The following ODF2 variants were observed in gnomAD, a reference collection of about 807,000 sequenced individuals.
ODF2 encodes outer dense fiber protein 2.
A neutral mutation model predicts 110.2 loss-of-function variants in ODF2; 47 were observed. The ratio of observed to expected loss-of-function variants is 0.43; its 90% CI spans 0.34 to 0.54. The LOEUF is 0.54. Ranked by LOEUF, ODF2 falls within the 20% of genes least tolerant of loss-of-function variation. The probability of loss-of-function intolerance (pLI) is 0.03; values close to 1 mark genes in which losing one functional copy is unlikely to be tolerated. For synonymous variants in ODF2, 352 were observed against 397.7 expected, an observed-to-expected ratio of 0.89 and a Z score of 1.37; for missense variants, 812 against 1,054.5, an observed-to-expected ratio of 0.77 and a Z score of 3.19.
rs866893022 is a variant in ODF2, at chr9:128,459,759, C to T, written c.123+102C>T. On this transcript the variant is annotated intron_variant, in intron 3 of 20. Coordinates refer to ENST00000604420, the Ensembl canonical transcript of ODF2. ...GCCTTACCCTGCTGGGCACCATCGC[C>T]GCCCAGTTGCTCTGCTAGGTGCTGT... The T allele has an allele frequency of 7.7e-5, 60 of 781,708 alleles. No individual in the cohort carries two copies. In the Middle Eastern group the frequency reaches 2.4e-3, roughly 31 times the overall value. 48.4% of individuals were successfully genotyped at this position (781,708 alleles called of 1,614,324 possible).
chr9:128,462,490 T>G (rs561412443), intron 4 of ODF2, among the ~76,000 whole-genome samples: 28 of 152,296 alleles, frequency 1.8e-4, no homozygotes, highest in South Asian at 1.2e-3. Context: ...TGAACCTGAT[T>G]CAGCTGTTCT....
At position 128,473,122 on chromosome 9, in the gene ODF2, C is replaced by T. The variant is rs79964048; in HGVS notation, c.711+80C>T. The stretch of plus-strand genomic sequence containing the variant: ...CTGCAGGCTGGGCAGGGTCTTTACG[C>T]GTCATCAGGCAGACTTTATGACATC... On this transcript the variant is annotated intron_variant, in intron 7 of 20. Coordinates refer to ENST00000604420, the Ensembl canonical transcript of ODF2. 5.3e-3 allele frequency: 8,357 copies of T among 1,587,540 alleles called. 53 individuals are homozygous for T. The highest frequency in any genetic ancestry group is 8.8e-3 in the South Asian group (783 of 88,892).
chr9:128,496,378 T>G, intron 18 of ODF2: 1 of 1,351,982 alleles, frequency 7.4e-7, no homozygotes, highest in South Asian at 1.3e-5. Context: ...TCTGCCCACC[T>G]GTAGGCACCA....
intron 20 of ODF2, among the ~76,000 whole-genome samples, 159 bp downstream of exon 20, chr9:128,499,285 A>T (rs1046828712): frequency 1.3e-5 from 2 of 152,000 alleles, no homozygotes; most frequent in Admixed American, 1.3e-4. Context: ...TCCTGGGTAG[A>T]TATTTATTTA....
chr9:128,498,661 G>T, intron 19 of ODF2, 86 bp downstream of exon 19: 1 of 780,304 alleles, frequency 1.3e-6, no homozygotes, highest in South Asian at 1.8e-5. Flanking sequence ...CTGAAAAATG[G>T]GCACACAGTA....
In ODF2 at chr9:128,498,270, A is replaced by G. The variant is rs915504120; in HGVS notation, c.2013-143A>G. On this transcript the variant is annotated intron_variant, in intron 18 of 20. Coordinates refer to ENST00000604420, the Ensembl canonical transcript of ODF2. Reference sequence around the variant, plus strand: ...CTTTGGTCGCCTTGCTGATCTGCAGATTTCTTTGGCTTATTCCTGTGGCTC... The same window carrying G: ...CTTTGGTCGCCTTGCTGATCTGCAGGTTTCTTTGGCTTATTCCTGTGGCTC... 5 of 1,303,920 alleles carry G rather than the reference A, an allele frequency of 3.8e-6. No homozygotes were observed. In the African/African-American group the frequency reaches 7.6e-5, roughly 20 times the overall value. The allele number at this position is 1,303,920 out of a possible 1,614,324, so 80.8% of individuals were successfully genotyped here. A position where few individuals can be genotyped will look rare whatever the true frequency, so the allele number is the denominator to read the frequency against.
chr9:128,498,530 C>G, exon 19 of ODF2: 1 of 1,610,944 alleles, frequency 6.2e-7, no homozygotes, highest in African/African-American at 1.3e-5. Flanking sequence ...AATGTGGGAC[C>G]CTGGCAAGGC....
chr9:128,500,739 T>G (rs1406026343), downstream of ODF2: 1 of 154,734 alleles, frequency 6.5e-6, no homozygotes, highest in Non-Finnish European at 1.4e-5. Context: ...CAAGGCTCCC[T>G]TCCCAAGCTC....
At position 128,485,733 on chromosome 9, in the gene ODF2, T is replaced by TC. The variant is rs1843236509; in HGVS notation, c.1400+259_1400+260insC. ...GGCCGGGTCTTTCTGGTCAGAGGTG[T>TC]GGGTCTGACTTCATCACCTGGGCCT... On this transcript the variant is annotated intron_variant, in intron 13 of 20. Coordinates refer to ENST00000604420, the Ensembl canonical transcript of ODF2. This position sits in a 1 kb window ranked among gnomAD's most constrained non-coding sequence, Gnocchi z 5.0. 6.6e-6 allele frequency among the ~76,000 whole-genome samples: 1 copy of TC among 152,128 alleles called. No homozygotes were observed. Among genetic ancestry groups the TC allele is most frequent in the Non-Finnish European group, 1.5e-5 (1 of 68,008 alleles).
At chr9:128,489,009 A>G (rs546044654) in intron 14 of ODF2, among the ~76,000 whole-genome samples, 19 of 152,280 alleles carry the variant, frequency 1.2e-4, no homozygotes, top group Admixed American at 4.6e-4. Context: ...TCCGTCTCAA[A>G]AGAAAAGAAA....
chr9:128,456,631 C>T (rs969780486), intron 1 of ODF2: 4 of 1,498,778 alleles, frequency 2.7e-6, no homozygotes, highest in East Asian at 5.4e-5. Context: ...CTCTGCTGCC[C>T]GTCGGCGGCA....
intron 6 of ODF2, among the ~76,000 whole-genome samples, chr9:128,472,449 T>A (rs1025121834): frequency 9.9e-5 from 15 of 152,188 alleles, no homozygotes; most frequent in African/African-American, 3.6e-4. Context: ...TCTCAAGTGA[T>A]CTGCCCACCT....
At chr9:128,467,271 A>G (rs1838456505) in intron 4 of ODF2, among the ~76,000 whole-genome samples, 1 of 151,504 alleles carries the variant, frequency 6.6e-6, no homozygotes, top group Non-Finnish European at 1.5e-5. Flanking sequence ...ACACAATGGT[A>G]AGTATTTGCA....
intron 9 of ODF2, among the ~76,000 whole-genome samples, chr9:128,482,412 G>A (rs1330023780): frequency 1.3e-5 from 2 of 152,054 alleles, no homozygotes; most frequent in Non-Finnish European, 1.5e-5. Flanking sequence ...AGACACAGAA[G>A]ATTTAATCAC....
At chr9:128,483,842 C>A in intron 10 of ODF2, 96 bp from the exon 11 acceptor site, 1 of 827,200 alleles carries the variant, frequency 1.2e-6, no homozygotes, top group South Asian at 1.3e-5. Context: ...GCTGAGATTG[C>A]GCCACTGCAC....
chr9:128,473,801 T>C, intron 8 of ODF2, 60 bp downstream of exon 8: 1 of 1,488,552 alleles, frequency 6.7e-7, no homozygotes, highest in Non-Finnish European at 9.3e-7. Flanking sequence ...TCTGAGCCTT[T>C]CTCCTTGTCT....
At chr9:128,500,378 T>TTAGCTACTA in exon 21 of ODF2, 7 of 881,616 alleles carry the variant, frequency 7.9e-6, no homozygotes, top group Non-Finnish European at 1.2e-5. Context: ...GGTCTTGTCC[T>TTAGCTACTA]TAGCTACTAG....
chr9:128,498,944 C>G, intron 19 of ODF2, 57 bp from the exon 20 acceptor site: 1 of 1,606,624 alleles, frequency 6.2e-7, no homozygotes, highest in Non-Finnish European at 8.5e-7. Flanking sequence ...CTTCTCTTTG[C>G]CAAGTGTTCC....
Position 128,494,583 on chromosome 9 carries a change from A to G in ODF2, c.1826A>G (p.Lys609Arg), listed in dbSNP as rs1845265762. ...GACATCCTGAAGATCACGGAGGCGAAGCTGGCTGAGTGCCAAGACCAACTG... is the reference window on the plus strand; with the variant it reads ...GACATCCTGAAGATCACGGAGGCGAGGCTGGCTGAGTGCCAAGACCAACTG... The change falls in exon 17 of 21, where the codon AAG becomes AGG. Residue 609 changes from lysine to arginine, a missense_variant. Transcript: ENST00000604420. The surrounding 1 kb of genome is among the most constrained non-coding windows in gnomAD (Gnocchi z 4.6). 6.2e-7 allele frequency: 1 copy of G among 1,614,176 alleles called. No individual in the cohort carries two copies.
Sources: gnomAD v4.1 joint callset for allele counts (sites outside exome capture counted in the v4.1 genomes callset) on GRCh38, gnomAD v4.1.1 for gene constraint, Gnocchi (gnomAD v3.1) non-coding constraint, MANE v1.5 for transcripts, NCBI Gene and HGNC (gene_info 2026-07-23, HGNC 2026-07-21) for gene names.